ECD: variants seen among roughly 807,000 people sequenced by gnomAD.
The protein encoded by ECD is protein ecdysoneless homolog.
A neutral mutation model predicts 77.2 loss-of-function variants in ECD; 59 were observed. The ratio of observed to expected loss-of-function variants is 0.76; its 90% CI spans 0.62 to 0.95. The LOEUF is 0.95. Among genes scored for constraint, ECD ranks in the 40% least tolerant of loss-of-function variants. The pLI is 0.00. For missense variants in ECD, 704 were observed against 763.4 expected (o/e 0.92, Z 0.92); for synonymous variants, 233 against 267.4 (o/e 0.87, Z 1.26).
At chr10:73,141,062 A>C (rs1053945913) in intron 9 of ECD, among the ~76,000 whole-genome samples, 2 of 152,068 alleles carry the variant, frequency 1.3e-5, no homozygotes, top group Non-Finnish European at 2.9e-5. Flanking sequence ...TTTTGTTACT[A>C]TTATAGAAGG....
chr10:73,152,145 AT>A (rs1843218286), intron 7 of ECD, 147 bp downstream of exon 7: 7 of 1,023,762 alleles, frequency 6.8e-6, no homozygotes, highest in Admixed American at 2.9e-5. Context: ...TAAGTAATCC[AT>A]TTTTTTCATT....
At chr10:73,156,064 C>T (rs372425412) in intron 5 of ECD, among the ~76,000 whole-genome samples, 1 of 152,200 alleles carries the variant, frequency 6.6e-6, no homozygotes, top group South Asian at 2.1e-4. Flanking sequence ...ATTTTAAAAT[C>T]TGTAAGTTTA....
chr10:73,137,228 T>C (rs1842986332), intron 12 of ECD, among the ~76,000 whole-genome samples: 1 of 152,102 alleles, frequency 6.6e-6, no homozygotes. Context: ...AATGAATACA[T>C]TTTGATGTAA....
intron 2 of ECD, among the ~76,000 whole-genome samples, chr10:73,162,141 A>G (rs1358354288): frequency 2.0e-5 from 3 of 152,228 alleles, no homozygotes; most frequent in African/African-American, 7.2e-5. Context: ...CAGGAGAGTG[A>G]CACAATCAAA....
At chr10:73,160,369 T>G in intron 3 of ECD, 65 bp downstream of exon 3, 1 of 1,098,786 alleles carries the variant, frequency 9.1e-7, no homozygotes. Flanking sequence ...ACTAAATAGA[T>G]AAAAATGTAG....
chr10:73,162,837 C>T (rs1843399044), intron 2 of ECD, among the ~76,000 whole-genome samples: 2 of 152,200 alleles, frequency 1.3e-5, no homozygotes, highest in Admixed American at 6.6e-5. Flanking sequence ...GCTGCTTAAA[C>T]TTCAAAGGCC....
rs1415412404 is a variant in ECD at position 73,156,348 on chromosome 10, T to C, written c.517A>G (p.Ile173Val). 2 of 1,613,958 alleles carry C rather than the reference T, an allele frequency of 1.2e-6. No individual in the cohort carries two copies. The highest frequency in any genetic ancestry group is 4.5e-5 in the East Asian group (2 of 44,884). ...ATTTTTTCTGAATGTGCTGTGATTA[T>C]ATTCAATGCTTGTGGAATTGTTGGG... ...TPPTIPQALN[I>V]ITAHSEKILA... The change falls in exon 5 of 14, where the codon ATA becomes GTA. Residue 173 changes from isoleucine to valine, a missense_variant. Transcript: ENST00000372979.
At chr10:73,162,153 T>C (rs138599783) in intron 2 of ECD, among the ~76,000 whole-genome samples, 1 of 152,190 alleles carries the variant, frequency 6.6e-6, no homozygotes, top group African/African-American at 2.4e-5. Context: ...ACAATCAAAT[T>C]TGTGTTTTAC....
Position 73,138,058 on chromosome 10 carries a change from C to T in ECD, c.1434G>A (p.Glu478=), listed in dbSNP as rs2271905. The T allele has an allele frequency of 0.093, 147,378 of 1,590,200 alleles. 11,545 individuals are homozygous for T. Among genetic ancestry groups the T allele is most frequent in the African/African-American group, 0.34 (24,430 of 72,754 alleles). Residue 478 remains glutamate (E), a synonymous_variant, in exon 12 of 14, where the codon GAG becomes GAA. Transcript: ENST00000372979. ...KGAELPREPS[E]APITFDADSF... is the part of the protein sequence containing the mutation. ...AATCTGCATCAAAAGTGATTGGAGCCTCAGAAGGTTCTCTGCAATATTAAA... is the reference window on the plus strand; with the variant it reads ...AATCTGCATCAAAAGTGATTGGAGCTTCAGAAGGTTCTCTGCAATATTAAA...
chr10:73,145,009 C>T (rs1486696777), intron 9 of ECD, among the ~76,000 whole-genome samples: 7 of 152,102 alleles, frequency 4.6e-5, no homozygotes, highest in Admixed American at 4.6e-4. Flanking sequence ...GGACATTATA[C>T]ATGTAATCAC....
intron 2 of ECD, among the ~76,000 whole-genome samples, chr10:73,162,114 T>C (rs1203678186): frequency 6.6e-6 from 1 of 152,238 alleles, no homozygotes; most frequent in Non-Finnish European, 1.5e-5. Flanking sequence ...CAATGGGAAC[T>C]ACTGAAGGAT....
intron 9 of ECD, 58 bp from the exon 10 acceptor site, chr10:73,139,795 T>C: frequency 8.5e-7 from 1 of 1,179,758 alleles, no homozygotes. Context: ...ATAGTAATCA[T>C]AAATACATAG....
At chr10:73,151,408 A>G (rs1338369008) in intron 7 of ECD, among the ~76,000 whole-genome samples, 2 of 151,456 alleles carry the variant, frequency 1.3e-5, no homozygotes, top group Non-Finnish European at 2.9e-5. Flanking sequence ...GGACAGCATT[A>G]GGAGATATAT....
At chr10:73,138,117 T>A (rs1025781891) in intron 11 of ECD, 47 bp from the exon 12 acceptor site, 1 of 1,400,898 alleles carries the variant, frequency 7.1e-7, no homozygotes, top group Non-Finnish European at 9.5e-7. Flanking sequence ...TAAATACAAC[T>A]CTTTGAAACT....
intron 9 of ECD, among the ~76,000 whole-genome samples, chr10:73,140,676 T>C (rs184013132): frequency 3.4e-4 from 52 of 150,976 alleles, no homozygotes; most frequent in Admixed American, 3.0e-3. Context: ...AATAAATAAA[T>C]AAAATAAAAT....
chr10:73,155,712 G>C (rs1224313135), intron 5 of ECD, among the ~76,000 whole-genome samples: 2 of 147,790 alleles, frequency 1.4e-5, no homozygotes, highest in Non-Finnish European at 3.0e-5. Flanking sequence ...GATTCTCCTT[G>C]CCTCAGCCTC....
chr10:73,164,078 G>A, intron 1 of ECD, 128 bp from the exon 2 acceptor site: 4 of 742,200 alleles, frequency 5.4e-6, no homozygotes, highest in Non-Finnish European at 6.4e-6. Context: ...GTTCATGCAT[G>A]TAATCCTATC....
chr10:73,162,636 A>G (rs1843396055), intron 2 of ECD, among the ~76,000 whole-genome samples: 1 of 152,218 alleles, frequency 6.6e-6, no homozygotes, highest in African/African-American at 2.4e-5. Flanking sequence ...CTTGTGATGT[A>G]TACATGGGGG....
chr10:73,160,283 CAA>C (rs11338418), intron 3 of ECD, 149 bp downstream of exon 3: 4,546 of 289,356 alleles, frequency 0.016, no homozygotes, highest in Middle Eastern at 0.024. Flanking sequence ...AAGACTGTCT[CAA>C]AAAAAAAAAA....
Sources: allele counts gnomAD v4.1 joint callset (sites outside exome capture counted in the v4.1 genomes callset), GRCh38; gene constraint gnomAD v4.1.1; transcripts MANE v1.5; gene names NCBI Gene and HGNC (gene_info 2026-07-23, HGNC 2026-07-21).